The following PRKACB variants were observed in gnomAD, a reference collection of about 807,000 sequenced individuals.
The protein encoded by PRKACB is protein kinase cAMP-activated catalytic subunit beta, also known as cAMP-dependent protein kinase catalytic subunit beta.
A neutral mutation model predicts 51.4 loss-of-function variants in PRKACB; 16 were observed. The observed-to-expected ratio is 0.31, with a 90% confidence interval of 0.21 to 0.47. The LOEUF (loss-of-function observed/expected upper bound fraction) is 0.47, where lower values mean the gene tolerates loss of function less well. PRKACB is among the 20% of genes least tolerant of loss of function. PRKACB has a pLI of 1.00. For synonymous variants in PRKACB, 147 were observed against 154.4 expected, an observed-to-expected ratio of 0.95 and a Z score of 0.35; for missense variants, 309 against 464.5, an observed-to-expected ratio of 0.67 and a Z score of 3.08.
chr1:84,179,137 T>C, intron 1 of PRKACB, 40 bp from the exon 2 acceptor site: 1 of 1,530,698 alleles, frequency 6.5e-7, no homozygotes, highest in Non-Finnish European at 8.8e-7. Context: ...AATATAAATA[T>C]TCTTACAAGA....
At chr1:84,213,026 G>C (rs748898537) in intron 8 of PRKACB, among the ~76,000 whole-genome samples, 5 of 152,200 alleles carry the variant, frequency 3.3e-5, no homozygotes, top group Non-Finnish European at 7.3e-5. Context: ...AGTACTTGTA[G>C]TGGTAGCACT....
Position 84,081,729 on chromosome 1 carries a change from T to A in PRKACB, c.46+3358T>A, listed in dbSNP as rs184826839. Among the ~76,000 whole-genome samples, 12 of 152,228 alleles carry A rather than the reference T, an allele frequency of 7.9e-5. No homozygotes were observed. In the East Asian group the frequency reaches 1.5e-3, roughly 20 times the overall value. Reference sequence around the variant, plus strand: ...GGAGGGGTTTTTATTTATTTCATTTTAAAAAAATACTATACCTCCAGGTTG... The same window carrying A: ...GGAGGGGTTTTTATTTATTTCATTTAAAAAAAATACTATACCTCCAGGTTG... On this transcript the variant is annotated intron_variant, in intron 1 of 8. Transcript: ENST00000370688.
At position 84,165,306 on chromosome 1, in the gene PRKACB, T is replaced by C. The variant is rs963201655; in HGVS notation, c.188-13871T>C. On this transcript the variant is annotated intron_variant, in intron 1 of 9. Coordinates refer to ENST00000370685, the MANE Select transcript of PRKACB (RefSeq NM_182948.4). ...ATTAATTGTGTTATAAATTAGTAAGTAGACTAACCATAAGAGAGGATTTTC... is the reference window on the plus strand; with the variant it reads ...ATTAATTGTGTTATAAATTAGTAAGCAGACTAACCATAAGAGAGGATTTTC... 7.2e-5 allele frequency among the ~76,000 whole-genome samples: 11 copies of C among 151,934 alleles called. 1 individual carries two copies. The highest frequency in any genetic ancestry group is 1.6e-4 in the Non-Finnish European group (11 of 67,936).
At chr1:84,180,183 G>GAT (rs3051182) in intron 2 of PRKACB, among the ~76,000 whole-genome samples, 1,838 of 32,046 alleles carry the variant, frequency 0.057, 290 homozygotes, top group Admixed American at 0.18. Flanking sequence ...AAGAAACTGT[G>GAT]ATATATATAT....
chr1:84,161,435 TTG>T (rs1311435575), intron 1 of PRKACB, among the ~76,000 whole-genome samples: 7 of 151,906 alleles, frequency 4.6e-5, no homozygotes, highest in African/African-American at 1.7e-4. Context: ...GCCTTTTGAT[TTG>T]TGTTTCTTCC....
At chr1:84,129,599 T>G (rs1304715777) in intron 1 of PRKACB, among the ~76,000 whole-genome samples, 3 of 152,200 alleles carry the variant, frequency 2.0e-5, no homozygotes, top group Non-Finnish European at 4.4e-5. Context: ...TTTACATTTT[T>G]TATTTCTAAA....
At chr1:84,223,370 G>GTTTTTTTTTTTTTT (rs976444186) in intron 9 of PRKACB, among the ~76,000 whole-genome samples, 2 of 21,458 alleles carry the variant, frequency 9.3e-5, no homozygotes, top group East Asian at 2.1e-3. Flanking sequence ...GTTTTTTTTT[G>GTTTTTTTTTTTTTT]TTTTTTTGTT....
chr1:84,235,971 T>G lies in PRKACB; in HGVS notation c.*666T>G, dbSNP rs1056339895. Reference sequence around the variant, plus strand: ...AGGTTCTAGTTCCCTTTCCCTCCTTTTATATCCTCCTCTCCTTGAGTAATG... The same window carrying G: ...AGGTTCTAGTTCCCTTTCCCTCCTTGTATATCCTCCTCTCCTTGAGTAATG... On this transcript the variant is annotated 3_prime_UTR_variant, in exon 10 of 10. Coordinates refer to ENST00000370685, the MANE Select transcript of PRKACB (RefSeq NM_182948.4). The G allele has an allele frequency of 8.5e-5, 13 of 152,658 alleles. No homozygotes were observed. Among genetic ancestry groups the G allele is most frequent in the Non-Finnish European group, 1.3e-4 (9 of 68,060 alleles). The allele number at this position is 152,658 out of a possible 1,614,324, so 9.5% of individuals were successfully genotyped here.
intron 1 of PRKACB, among the ~76,000 whole-genome samples, chr1:84,091,387 C>T (rs1258100363): frequency 6.6e-6 from 1 of 152,164 alleles, no homozygotes; most frequent in Non-Finnish European, 1.5e-5. Context: ...AACTGGGTTA[C>T]ATGCACAACC....
intron 1 of PRKACB, among the ~76,000 whole-genome samples, chr1:84,174,252 A>G (rs1345400864): frequency 6.6e-6 from 1 of 151,770 alleles, no homozygotes; most frequent in Non-Finnish European, 1.5e-5. Context: ...CTTCCATGCC[A>G]TTTATGTAAG....
chr1:84,143,449 TA>T (rs962237816), upstream of PRKACB, among the ~76,000 whole-genome samples: 1 of 150,878 alleles, frequency 6.6e-6, no homozygotes, highest in African/African-American at 2.4e-5. Context: ...AAACAACGTT[TA>T]AAAAAAAATA....
intron 1 of PRKACB, among the ~76,000 whole-genome samples, chr1:84,154,670 A>T (rs1558035931): frequency 6.6e-6 from 1 of 152,152 alleles, no homozygotes; most frequent in African/African-American, 2.4e-5. Flanking sequence ...TCAACAAAAT[A>T]CTAGCAAATT....
chr1:84,204,281 A>G (rs1260904566), intron 8 of PRKACB, among the ~76,000 whole-genome samples: 1 of 152,010 alleles, frequency 6.6e-6, no homozygotes, highest in South Asian at 2.1e-4. Context: ...TACTCCAACT[A>G]TGTCAAAGGT....
intron 2 of PRKACB, among the ~76,000 whole-genome samples, chr1:84,180,497 A>C (rs998557293): frequency 6.6e-6 from 1 of 151,734 alleles, no homozygotes; most frequent in Non-Finnish European, 1.5e-5. Flanking sequence ...GGATGCACCA[A>C]AATTTCACAA....
chr1:84,209,305 C>G (rs1468439682), intron 8 of PRKACB, among the ~76,000 whole-genome samples: 1 of 152,092 alleles, frequency 6.6e-6, no homozygotes, highest in Non-Finnish European at 1.5e-5. Context: ...GAAATCTTCA[C>G]TTGGATATCT....
chr1:84,162,913 T>C (rs980916272), intron 1 of PRKACB, among the ~76,000 whole-genome samples: 4 of 152,060 alleles, frequency 2.6e-5, no homozygotes, highest in African/African-American at 9.7e-5. Context: ...TTTTGATTAT[T>C]TTTTCCCTGA....
intron 9 of PRKACB, among the ~76,000 whole-genome samples, chr1:84,227,086 A>G (rs1001087792): frequency 9.2e-5 from 14 of 152,100 alleles, no homozygotes; most frequent in African/African-American, 3.1e-4. Context: ...TAGGGTTTTT[A>G]CTTCTGTAGT....
intron 1 of PRKACB, among the ~76,000 whole-genome samples, chr1:84,174,679 C>G (rs568926125): frequency 1.1e-4 from 16 of 151,944 alleles, no homozygotes; most frequent in Admixed American, 2.0e-4. Flanking sequence ...TAGATTTTGA[C>G]TGAATAACAG....
At chr1:84,121,439 T>C (rs768833171) in intron 1 of PRKACB, among the ~76,000 whole-genome samples, 1 of 152,088 alleles carries the variant, frequency 6.6e-6, no homozygotes, top group African/African-American at 2.4e-5. Flanking sequence ...TCTGTCATTT[T>C]TAACTTTTTA....
Sources: allele counts gnomAD v4.1 joint callset (sites outside exome capture counted in the v4.1 genomes callset), GRCh38; gene constraint gnomAD v4.1.1; transcripts MANE v1.5; gene names NCBI Gene and HGNC (gene_info 2026-07-23, HGNC 2026-07-21).